Variants in SRGAP2B observed in about 807,000 individuals in gnomAD.
SRGAP2B encodes the protein SLIT-ROBO Rho GTPase-activating protein 2B.
A neutral mutation model predicts 22.2 loss-of-function variants in SRGAP2B; 9 were observed. The observed-to-expected ratio is 0.41, with a 90% CI of 0.24 to 0.71. The LOEUF is 0.71. Ranked by LOEUF, SRGAP2B falls within the 30% of genes least tolerant of loss-of-function variation. SRGAP2B has a pLI of 0.35. For synonymous variants in SRGAP2B, 36 were observed against 87.4 expected (o/e 0.41, Z 3.28); for missense variants, 114 against 235.8 (o/e 0.48, Z 3.38).
At chr1:144,971,427 G>A (rs1277732350) in intron 3 of SRGAP2B, among the ~76,000 whole-genome samples, 5 of 150,262 alleles carry the variant, frequency 3.3e-5, no homozygotes, top group East Asian at 2.0e-4. Context: ...CACCGCACCC[G>A]GCCCATACTT....
chr1:145,081,443 A>G (rs1441266614), intron 2 of SRGAP2B, among the ~76,000 whole-genome samples: 5 of 150,608 alleles, frequency 3.3e-5, no homozygotes, highest in Non-Finnish European at 5.9e-5. Flanking sequence ...ATGGCAGCCA[A>G]TGACAAAGCT....
intron 2 of SRGAP2B, among the ~76,000 whole-genome samples, chr1:145,009,677 C>T (rs1329284054): frequency 4.1e-5 from 6 of 145,110 alleles, no homozygotes; most frequent in Non-Finnish European, 7.5e-5. Context: ...AGTCTCTCTA[C>T]TGTATATATT....
chr1:145,009,176 C>CAA (rs375032281), intron 2 of SRGAP2B, among the ~76,000 whole-genome samples: 18 of 59,440 alleles, frequency 3.0e-4, no homozygotes, highest in African/African-American at 6.4e-4. Flanking sequence ...GACTCCGTCT[C>CAA]AAAAAAAAAA....
intron 2 of SRGAP2B, among the ~76,000 whole-genome samples, chr1:145,010,788 C>A (rs1339136482): frequency 2.7e-5 from 4 of 149,026 alleles, no homozygotes; most frequent in Non-Finnish European, 5.9e-5. Flanking sequence ...CCCCTCCTAC[C>A]TGCCTGCCCT....
intron 4 of SRGAP2B, among the ~76,000 whole-genome samples, chr1:144,925,578 A>G (rs1664609089): frequency 7.2e-6 from 1 of 139,100 alleles, no homozygotes; most frequent in Admixed American, 7.1e-5. Context: ...CAGGAGGCAG[A>G]GGTTGCAGTG....
In SRGAP2B at chr1:145,013,817, G is replaced by C. The variant is rs1553622641; in HGVS notation, c.68-18617C>G. On this transcript the variant is annotated intron_variant, in intron 2 of 9. Coordinates refer to ENST00000612199, the Ensembl canonical transcript of SRGAP2B. Reference sequence around the variant, plus strand: ...TATCCCTTTATAATTGGGCAGTTTAGAGCCTCAGATATATCAAGTGAGTAT... The same window carrying C: ...TATCCCTTTATAATTGGGCAGTTTACAGCCTCAGATATATCAAGTGAGTAT... Among the ~76,000 whole-genome samples, 3 of 150,740 alleles carry C rather than the reference G, an allele frequency of 2.0e-5. 1 individual carries two copies. Among genetic ancestry groups the C allele is most frequent in the Admixed American group, 1.3e-4 (2 of 15,174 alleles).
At chr1:144,986,452 T>A (rs1360095215) in intron 3 of SRGAP2B, among the ~76,000 whole-genome samples, 5 of 149,710 alleles carry the variant, frequency 3.3e-5, no homozygotes, top group African/African-American at 5.1e-5. Context: ...AGGCTACAGT[T>A]CACCGACTGA....
intron 2 of SRGAP2B, among the ~76,000 whole-genome samples, chr1:145,065,220 T>G (rs1651364517): frequency 6.6e-6 from 1 of 152,066 alleles, no homozygotes; most frequent in Non-Finnish European, 1.5e-5. Flanking sequence ...TTTGCTCATT[T>G]TTCAGAACTG....
chr1:145,020,414 G>A (rs1553623854), intron 2 of SRGAP2B, among the ~76,000 whole-genome samples: 2 of 109,202 alleles, frequency 1.8e-5, no homozygotes, highest in African/African-American at 8.1e-5. Context: ...GCAAGAGAGA[G>A]AGAGACCTTG....
In SRGAP2B at chr1:145,044,650, TAAAAAAAAAAAAAAAAAAAAAAAAAAAA is replaced by T. The variant is rs1184404731; in HGVS notation, c.67+48157_67+48184del. Among the ~76,000 whole-genome samples, 236 of 30,516 alleles carry T rather than the reference TAAAAAAAAAAAAAAAAAAAAAAAAAAAA, an allele frequency of 7.7e-3. 1 individual carries two copies. Among genetic ancestry groups the T allele is most frequent in the South Asian group, 0.018 (10 of 560 alleles). The allele number at this position is 30,516 out of a possible 152,430, so 20.0% of individuals were successfully genotyped here. A position where few individuals can be genotyped will look rare whatever the true frequency, so the allele number is the denominator to read the frequency against. The stretch of plus-strand genomic sequence containing the variant: ...TATATTTTATATTTGAACCCCCTCC[TAAAAAAAAAAAAAAAAAAAAAAAAAAAA>T]AAAAAAAAAAAAAAAAAAAAAACAG... On this transcript the variant is annotated intron_variant, in intron 2 of 9. Coordinates refer to ENST00000612199, the Ensembl canonical transcript of SRGAP2B.
intron 4 of SRGAP2B, among the ~76,000 whole-genome samples, chr1:144,927,099 G>A (rs1487947067): frequency 2.7e-5 from 4 of 149,942 alleles, no homozygotes; most frequent in East Asian, 2.0e-4. Context: ...ACAGGTGCCC[G>A]CCACTATGCC....
intron 2 of SRGAP2B, among the ~76,000 whole-genome samples, chr1:145,030,719 AAAATAT>A (rs1256080305): frequency 2.6e-5 from 1 of 38,774 alleles, no homozygotes. Context: ...AAAAAAAAAA[AAAATAT>A]ATATATATAT....
chr1:144,966,762 C>T (rs1668114663), intron 3 of SRGAP2B, among the ~76,000 whole-genome samples: 1 of 148,098 alleles, frequency 6.8e-6, no homozygotes, highest in African/African-American at 2.6e-5. Flanking sequence ...CGTGCAGAGA[C>T]ACACATAGGC....
intron 2 of SRGAP2B, among the ~76,000 whole-genome samples, chr1:145,041,087 A>ATATATATG (rs1649191802): frequency 1.7e-5 from 2 of 117,946 alleles, no homozygotes; most frequent in Non-Finnish European, 3.4e-5. Flanking sequence ...ATATATATAT[A>ATATATATG]TATATATATA....
At chr1:145,023,024 G>GCATGGCGATGCGTGCCTATAGTCT (rs1647320042) in intron 2 of SRGAP2B, among the ~76,000 whole-genome samples, 2 of 149,886 alleles carry the variant, frequency 1.3e-5, no homozygotes, top group African/African-American at 5.0e-5. Context: ...AATTAGCTGG[G>GCATGGCGATGCGTGCCTATAGTCT]CATGGCGATG....
At chr1:144,925,727 AAAAGAAAGAAAG>A (rs202130146) in intron 4 of SRGAP2B, among the ~76,000 whole-genome samples, 4,066 of 103,786 alleles carry the variant, frequency 0.039, 26 homozygotes, top group South Asian at 0.053. Context: ...AGAGAGAAAG[AAAAGAAAGAAAG>A]AAAGAAAGAA....
At position 144,957,890 on chromosome 1, in the gene SRGAP2B, T is replaced by C. The variant is rs587639829; in HGVS notation, c.261-2289A>G. Among the ~76,000 whole-genome samples the C allele has an allele frequency of 1.9e-3, 279 of 148,724 alleles. 17 individuals are homozygous for C. Among genetic ancestry groups the C allele is most frequent in the African/African-American group, 7.0e-3 (271 of 38,686 alleles). On this transcript the variant is annotated intron_variant, in intron 3 of 9. Coordinates refer to ENST00000612199, the Ensembl canonical transcript of SRGAP2B. ...TAAAGGGGCAGATCTCATGAGACTTTACATTGACAATTGGTTTCAATCTAT... is the reference window on the plus strand; with the variant it reads ...TAAAGGGGCAGATCTCATGAGACTTCACATTGACAATTGGTTTCAATCTAT...
intron 2 of SRGAP2B, among the ~76,000 whole-genome samples, chr1:145,041,091 A>ATATAG (rs1296858305): frequency 8.2e-6 from 1 of 121,870 alleles, no homozygotes; most frequent in Non-Finnish European, 1.7e-5. Flanking sequence ...ATATATATAT[A>ATATAG]TATATATATA....
intron 3 of SRGAP2B, among the ~76,000 whole-genome samples, chr1:144,966,868 C>A (rs1668125328): frequency 1.3e-5 from 2 of 148,344 alleles, no homozygotes; most frequent in Admixed American, 1.3e-4. Flanking sequence ...AGACTTTAAA[C>A]CCACAAAGAT....
Sources: gnomAD v4.1 joint callset for allele counts (sites outside exome capture counted in the v4.1 genomes callset) on GRCh38, gnomAD v4.1.1 for gene constraint, MANE v1.5 for transcripts, NCBI Gene and HGNC (gene_info 2026-07-23, HGNC 2026-07-21) for gene names.